The following DPP10 variants were observed in gnomAD, a reference collection of about 807,000 sequenced individuals.
DPP10 encodes the protein dipeptidyl peptidase like 10.
In DPP10, 33 loss-of-function variants were observed where a neutral mutation model predicts 120.9. The ratio of observed to expected loss-of-function variants is 0.27; its 90% confidence interval spans 0.21 to 0.37. The LOEUF (loss-of-function observed/expected upper bound fraction) is 0.37, where lower values mean the gene tolerates loss of function less well. Ranked by LOEUF, DPP10 falls within the 10% of genes least tolerant of loss-of-function variation. DPP10 has a pLI of 1.00. For synonymous variants in DPP10, 337 were observed against 326.1 expected, an observed-to-expected ratio of 1.03 and a Z score of -0.36; for missense variants, 816 against 942.8, an observed-to-expected ratio of 0.87 and a Z score of 1.76.
chr2:115,486,547 T>G (rs562223025), intron 3 of DPP10, among the ~76,000 whole-genome samples: 3 of 152,236 alleles, frequency 2.0e-5, no homozygotes, highest in Non-Finnish European at 4.4e-5. Context: ...ATGAATCTGC[T>G]TACATCTTTC....
intron 1 of DPP10, among the ~76,000 whole-genome samples, chr2:114,731,911 T>C (rs1324865985): frequency 6.6e-6 from 1 of 152,100 alleles, no homozygotes; most frequent in East Asian, 1.9e-4. Flanking sequence ...GCACATTCCA[T>C]GTGGAGTATG....
At chr2:115,572,471 A>G (rs1271674514) in intron 5 of DPP10, among the ~76,000 whole-genome samples, 1 of 152,336 alleles carries the variant, frequency 6.6e-6, no homozygotes, top group Admixed American at 6.5e-5. Flanking sequence ...GTACATGTAC[A>G]TACATGTATA....
rs1251835718 is a variant in DPP10 at position 115,842,829 on chromosome 2, C to G, written c.*484C>G. The G allele has an allele frequency of 6.6e-6, 1 of 152,496 alleles. No homozygotes were observed. Among genetic ancestry groups the G allele is most frequent in the Admixed American group, 6.5e-5 (1 of 15,268 alleles). The allele number at this position is 152,496 out of a possible 1,614,324, so 9.4% of individuals were successfully genotyped here. A position where few individuals can be genotyped will look rare whatever the true frequency, so the allele number is the denominator to read the frequency against. On this transcript the variant is annotated 3_prime_UTR_variant, in exon 26 of 26. Transcript: ENST00000410059. ...CTATTATTATGCTTAAGAAAATATT[C>G]AGTTAATAAAAAACAGAGTATTTTA...
chr2:115,447,060 G>T (rs532521648), intron 3 of DPP10, among the ~76,000 whole-genome samples: 40 of 152,272 alleles, frequency 2.6e-4, no homozygotes, highest in African/African-American at 9.1e-4. Flanking sequence ...CGCGGGGGTG[G>T]AACACTGCAA....
At chr2:115,165,110 C>A (rs1024540240) in intron 1 of DPP10, among the ~76,000 whole-genome samples, 1 of 152,176 alleles carries the variant, frequency 6.6e-6, no homozygotes, top group African/African-American at 2.4e-5. Flanking sequence ...ACTCTAGTGG[C>A]TAATTGTAAT....
chr2:114,794,886 A>G (rs1683568513), intron 1 of DPP10, among the ~76,000 whole-genome samples: 1 of 152,226 alleles, frequency 6.6e-6, no homozygotes. Flanking sequence ...GAAATGGATT[A>G]ATAATATGTC....
At chr2:115,478,255 CA>C (rs2075215995) in intron 3 of DPP10, among the ~76,000 whole-genome samples, 1 of 152,136 alleles carries the variant, frequency 6.6e-6, no homozygotes, top group Non-Finnish European at 1.5e-5. Flanking sequence ...AATAAATTCT[CA>C]AATATGTGGT....
intron 19 of DPP10, among the ~76,000 whole-genome samples, chr2:115,805,033 A>C (rs1255626792): frequency 6.6e-6 from 1 of 152,286 alleles, no homozygotes; most frequent in East Asian, 1.9e-4. Context: ...CCAGAGGTGG[A>C]GCCTACAGAG....
At chr2:114,995,428 A>AG in intron 1 of DPP10, among the ~76,000 whole-genome samples, 1 of 151,510 alleles carries the variant, frequency 6.6e-6, no homozygotes, top group South Asian at 2.1e-4. Context: ...CTTTCTCAGA[A>AG]AAAAAAATGA....
At chr2:115,205,454 T>G (rs2105319671) in intron 1 of DPP10, among the ~76,000 whole-genome samples, 1 of 152,264 alleles carries the variant, frequency 6.6e-6, no homozygotes, top group South Asian at 2.1e-4. Context: ...TCAGCCACAG[T>G]GGAAAGCAGT....
chr2:114,470,177 C>A (rs971912131), intron 1 of DPP10, among the ~76,000 whole-genome samples: 2 of 152,162 alleles, frequency 1.3e-5, no homozygotes, highest in Non-Finnish European at 2.9e-5. Flanking sequence ...CCGTCAAAAC[C>A]ATTGCTGTGT....
chr2:115,261,513 A>G (rs1452673594), intron 1 of DPP10, among the ~76,000 whole-genome samples: 4 of 152,334 alleles, frequency 2.6e-5, no homozygotes, highest in East Asian at 1.9e-4. Context: ...AAGACTTTCT[A>G]TAATCCAATT....
At chr2:115,497,730 A>G (rs960324296) in intron 3 of DPP10, among the ~76,000 whole-genome samples, 7 of 152,092 alleles carry the variant, frequency 4.6e-5, no homozygotes, top group African/African-American at 1.7e-4. Flanking sequence ...GATTTGAGCA[A>G]GCATTAATTG....
At position 115,499,610 on chromosome 2, in the gene DPP10, TAATG is replaced by T; in HGVS notation, c.366+10_366+13del. On this transcript the variant is annotated splice_region_variant and intron_variant, in intron 4 of 25. Coordinates refer to ENST00000410059, the MANE Select transcript of DPP10 (RefSeq NM_020868.6). ...TATTGGAAAACACAACTTTTGTAAG[TAATG>T]AATAATTAATTACTTTATGCATTTC... is the stretch of plus-strand genomic sequence containing the variant. 1 of 1,595,596 alleles carries T rather than the reference TAATG, an allele frequency of 6.3e-7. No individual in the cohort carries two copies. The highest frequency in any genetic ancestry group is 1.1e-5 in the South Asian group (1 of 90,472).
intron 19 of DPP10, among the ~76,000 whole-genome samples, chr2:115,805,870 C>G (rs146571821): frequency 0.018 from 2,778 of 152,172 alleles, 87 homozygotes; most frequent in African/African-American, 0.061. Flanking sequence ...CCGCCGCGCC[C>G]GGCACTTCCT....
intron 1 of DPP10, among the ~76,000 whole-genome samples, chr2:114,531,998 A>G (rs1469317333): frequency 6.6e-6 from 1 of 151,934 alleles, no homozygotes; most frequent in Non-Finnish European, 1.5e-5. Flanking sequence ...GCGAAATAGA[A>G]CAAAGAGGCT....
intron 5 of DPP10, among the ~76,000 whole-genome samples, chr2:115,597,152 C>T (rs528998904): frequency 6.6e-6 from 1 of 152,132 alleles, no homozygotes; most frequent in African/African-American, 2.4e-5. Flanking sequence ...CAGGAGGAGA[C>T]AGTGCAATGT....
At chr2:115,175,816 ATTAAT>A (rs1161787187) in intron 1 of DPP10, among the ~76,000 whole-genome samples, 1 of 152,220 alleles carries the variant, frequency 6.6e-6, no homozygotes, top group African/African-American at 2.4e-5. Context: ...CTTAATTTTA[ATTAAT>A]TTAAGCTTAA....
At chr2:115,425,545 A>T (rs1183846176) in intron 3 of DPP10, among the ~76,000 whole-genome samples, 2 of 152,204 alleles carry the variant, frequency 1.3e-5, no homozygotes, top group African/African-American at 2.4e-5. Context: ...ATTTACAATG[A>T]GCATAAATTG....
Sources: allele counts gnomAD v4.1 joint callset (sites outside exome capture counted in the v4.1 genomes callset), GRCh38; gene constraint gnomAD v4.1.1; transcripts MANE v1.5; gene names NCBI Gene and HGNC (gene_info 2026-07-23, HGNC 2026-07-21).